CADM2: variants seen among roughly 807,000 people sequenced by gnomAD.
The protein encoded by CADM2 is immunoglobulin superfamily member 4D.
A neutral mutation model predicts 49.8 loss-of-function variants in CADM2; 12 were observed. That is an observed-to-expected ratio of 0.24 (90% CI 0.15 to 0.39). The LOEUF (loss-of-function observed/expected upper bound fraction) is 0.39, where lower values mean the gene tolerates loss of function less well. Among genes scored for constraint, CADM2 ranks in the 10% least tolerant of loss-of-function variants. The pLI, the probability that CADM2 is intolerant of heterozygous loss-of-function variation, is 1.00. For missense variants in CADM2, 378 were observed against 492.3 expected (o/e 0.77, Z 2.20); for synonymous variants, 214 against 175.4 (o/e 1.22, Z -1.74).
At chr3:85,398,722 A>G (rs537895715) in intron 1 of CADM2, among the ~76,000 whole-genome samples, 1 of 152,234 alleles carries the variant, frequency 6.6e-6, no homozygotes, top group African/African-American at 2.4e-5. Flanking sequence ...ATGGCATCTA[A>G]TTGTGGTTTT....
intron 8 of CADM2, among the ~76,000 whole-genome samples, chr3:86,041,380 G>A (rs1001801169): frequency 6.6e-6 from 1 of 152,142 alleles, no homozygotes; most frequent in Non-Finnish European, 1.5e-5. Context: ...TAAAAGGATG[G>A]AGGAAGATCT....
chr3:85,397,417 A>T (rs1310638738), intron 1 of CADM2, among the ~76,000 whole-genome samples: 1 of 152,196 alleles, frequency 6.6e-6, no homozygotes, highest in African/African-American at 2.4e-5. Context: ...AGATGGTCAG[A>T]CACTTGTACA....
chr3:85,143,538 A>C (rs968769289), intron 1 of CADM2, among the ~76,000 whole-genome samples: 3 of 152,160 alleles, frequency 2.0e-5, no homozygotes, highest in African/African-American at 7.2e-5. Flanking sequence ...TTTTTCAACG[A>C]CCTTTTCACC....
intron 3 of CADM2, among the ~76,000 whole-genome samples, chr3:85,880,828 G>T (rs898303775): frequency 2.0e-5 from 3 of 152,154 alleles, no homozygotes; most frequent in African/African-American, 7.2e-5. Context: ...CTAGCTTTTC[G>T]AAGTTTCCTC....
chr3:85,120,228 G>A (rs1335035629), intron 1 of CADM2, among the ~76,000 whole-genome samples: 1 of 152,174 alleles, frequency 6.6e-6, no homozygotes, highest in African/African-American at 2.4e-5. Context: ...GTTTTACACT[G>A]TAGGTGGTAG....
At chr3:85,549,124 G>T (rs2061736338) in intron 1 of CADM2, among the ~76,000 whole-genome samples, 1 of 152,106 alleles carries the variant, frequency 6.6e-6, no homozygotes. Context: ...GAGTCTCAAG[G>T]GGTCAGTATT....
rs1026331418 is a variant in CADM2 at position 85,059,110 on chromosome 3, G to T, written c.61+99442G>T. 2.0e-5 allele frequency among the ~76,000 whole-genome samples: 3 copies of T among 151,876 alleles called. No individual in the cohort carries two copies. In the East Asian group the frequency reaches 5.9e-4, roughly 30 times the overall value. ...AAGAATTAGCTGGGAGTGGTGGCAG[G>T]TGCCTGTAGTCCCAGCTACTCGGGA... On this transcript the variant is annotated intron_variant, in intron 1 of 9. Transcript: ENST00000383699.
chr3:85,828,690 T>A (rs750745553), intron 3 of CADM2, among the ~76,000 whole-genome samples: 10 of 151,962 alleles, frequency 6.6e-5, no homozygotes, highest in Non-Finnish European at 1.2e-4. Flanking sequence ...ATTGATGTTG[T>A]TCTTTCAGCT....
At chr3:85,676,014 A>C (rs1157277400) in intron 1 of CADM2, among the ~76,000 whole-genome samples, 2 of 152,184 alleles carry the variant, frequency 1.3e-5, no homozygotes. Flanking sequence ...ATGAAGTATC[A>C]TTTGGCTTTT....
chr3:85,386,219 T>A (rs1391881325), intron 1 of CADM2, among the ~76,000 whole-genome samples: 1 of 152,160 alleles, frequency 6.6e-6, no homozygotes, highest in African/African-American at 2.4e-5. Flanking sequence ...ATTTTGAAAG[T>A]CATTTTTGGT....
chr3:85,344,544 A>T (rs1658381139), intron 1 of CADM2, among the ~76,000 whole-genome samples: 2 of 151,912 alleles, frequency 1.3e-5, no homozygotes, highest in Admixed American at 6.6e-5. Flanking sequence ...AGTTAAATGA[A>T]GTGGGGAATG....
intron 3 of CADM2, among the ~76,000 whole-genome samples, chr3:85,832,556 T>A (rs1404054275): frequency 6.6e-6 from 1 of 151,866 alleles, no homozygotes; most frequent in Non-Finnish European, 1.5e-5. Flanking sequence ...TTCCAAGGTA[T>A]TTTTTCTAGG....
chr3:85,262,575 G>T (rs192214285), intron 1 of CADM2, among the ~76,000 whole-genome samples: 30 of 152,064 alleles, frequency 2.0e-4, no homozygotes, highest in East Asian at 3.9e-4. Context: ...TTGTATAAAG[G>T]CTCTAAATTT....
intron 1 of CADM2, among the ~76,000 whole-genome samples, chr3:85,286,680 A>G (rs2043641068): frequency 6.6e-6 from 1 of 152,188 alleles, no homozygotes; most frequent in Admixed American, 6.6e-5. Context: ...TAAAGAAAGA[A>G]CACACATTAA....
At chr3:85,026,120 C>T (rs979890567) in intron 1 of CADM2, among the ~76,000 whole-genome samples, 23 of 152,202 alleles carry the variant, frequency 1.5e-4, no homozygotes, top group African/African-American at 5.5e-4. Flanking sequence ...AATAATTTTA[C>T]AGTAAATATT....
chr3:85,855,266 T>G (rs1354339021), intron 3 of CADM2, among the ~76,000 whole-genome samples: 1 of 152,110 alleles, frequency 6.6e-6, no homozygotes, highest in East Asian at 1.9e-4. Flanking sequence ...AAGCTTGTCC[T>G]TTGGTCTGTC....
chr3:85,999,675 AAAAG>A (rs946850516), intron 8 of CADM2, among the ~76,000 whole-genome samples: 94 of 151,582 alleles, frequency 6.2e-4, no homozygotes, highest in Middle Eastern at 6.8e-3. Flanking sequence ...GAAAGAAAGA[AAAAG>A]AAAGAAAAGA....
At chr3:85,729,076 A>G (rs575222090) in intron 2 of CADM2, among the ~76,000 whole-genome samples, 1 of 152,170 alleles carries the variant, frequency 6.6e-6, no homozygotes, top group Non-Finnish European at 1.5e-5. Context: ...TTATTCTCCA[A>G]TGGCCAAATC....
chr3:85,648,410 T>C (rs1426381281), intron 1 of CADM2, among the ~76,000 whole-genome samples: 1 of 151,938 alleles, frequency 6.6e-6, no homozygotes, highest in East Asian at 1.9e-4. Context: ...GAAGGTTTTT[T>C]CCACCCCCCT....
Sources: allele counts gnomAD v4.1 joint callset (sites outside exome capture counted in the v4.1 genomes callset), GRCh38; gene constraint gnomAD v4.1.1; transcripts MANE v1.5; gene names NCBI Gene and HGNC (gene_info 2026-07-23, HGNC 2026-07-21).